EPHX1: variants seen among roughly 807,000 people sequenced by gnomAD.
The protein encoded by EPHX1 is epoxide hydrolase 1, also known as epoxide hydratase.
EPHX1 carries 40 observed loss-of-function variants against 43.2 expected under a neutral mutation model. The observed-to-expected ratio is 0.93, with a 90% CI of 0.72 to 1.21. The LOEUF (loss-of-function observed/expected upper bound fraction) is 1.21, where lower values mean the gene tolerates loss of function less well. Among genes scored for constraint, EPHX1 ranks in the 50% most tolerant of loss-of-function variants. The probability of loss-of-function intolerance (pLI) is 0.00; values close to 1 mark genes in which losing one functional copy is unlikely to be tolerated. For synonymous variants in EPHX1, 221 were observed against 226.7 expected (o/e 0.98, Z 0.22); for missense variants, 550 against 570.4 (o/e 0.96, Z 0.36).
At chr1:225,824,793 T>G (rs1459965721) in intron 1 of EPHX1, among the ~76,000 whole-genome samples, 2 of 152,094 alleles carry the variant, frequency 1.3e-5, no homozygotes, top group African/African-American at 2.4e-5. Flanking sequence ...ACTGTTCATG[T>G]GGGAGCGCAA....
intron 1 of EPHX1, among the ~76,000 whole-genome samples, chr1:225,811,626 A>T (rs892140411): frequency 6.6e-6 from 1 of 152,218 alleles, no homozygotes; most frequent in Non-Finnish European, 1.5e-5. Context: ...AGGAAGCCAC[A>T]CTTCTCCAGA....
chr1:225,825,948 T>G (rs1231535092), intron 1 of EPHX1, among the ~76,000 whole-genome samples: 1 of 152,238 alleles, frequency 6.6e-6, no homozygotes, highest in Admixed American at 6.5e-5. Context: ...TTTCTCCATC[T>G]TCTTAAAGGG....
At chr1:225,811,926 C>A (rs1173811732) in intron 1 of EPHX1, among the ~76,000 whole-genome samples, 1 of 152,082 alleles carries the variant, frequency 6.6e-6, no homozygotes, top group Non-Finnish European at 1.5e-5. Context: ...CATTTGTAAA[C>A]TATAAAGTAT....
intron 3 of EPHX1, among the ~76,000 whole-genome samples, chr1:225,833,921 ACCCC>A (rs902014346): frequency 6.7e-6 from 1 of 149,494 alleles, no homozygotes; most frequent in Non-Finnish European, 1.5e-5. Context: ...ACTTGGTGAA[ACCCC>A]GTCTCTACTA....
chr1:225,839,708 CT>C, intron 5 of EPHX1, 120 bp from the exon 6 acceptor site: 1 of 1,120,300 alleles, frequency 8.9e-7, no homozygotes, highest in Non-Finnish European at 1.4e-6. Flanking sequence ...GGGGCCAGTG[CT>C]GAAAGAGGCT....
chr1:225,844,470 AGT>A, intron 7 of EPHX1, 26 bp from the exon 8 acceptor site: 1 of 1,613,250 alleles, frequency 6.2e-7, no homozygotes, highest in Non-Finnish European at 8.5e-7. Context: ...TGGCACTGAG[AGT>A]GGGGCTTTGT....
intron 3 of EPHX1, among the ~76,000 whole-genome samples, chr1:225,838,360 C>T (rs1261241802): frequency 1.3e-5 from 2 of 152,216 alleles, no homozygotes; most frequent in Non-Finnish European, 2.9e-5. Context: ...GGAAACCCAG[C>T]AGTGGCTGTA....
intron 7 of EPHX1, 144 bp from the exon 8 acceptor site, chr1:225,844,354 C>A (rs1335933141): frequency 3.1e-6 from 4 of 1,304,648 alleles, no homozygotes; most frequent in Middle Eastern, 1.8e-4. Flanking sequence ...CTGCCTGTGA[C>A]ACGAGGATAC....
intron 6 of EPHX1, among the ~76,000 whole-genome samples, chr1:225,841,529 C>T (rs1216905913): frequency 2.0e-5 from 3 of 151,790 alleles, no homozygotes; most frequent in Non-Finnish European, 2.9e-5. Context: ...GGTGATCCAC[C>T]CGCCTCGGCC....
At chr1:225,840,098 G>A in intron 6 of EPHX1, 61 bp downstream of exon 6, 21 of 1,553,976 alleles carry the variant, frequency 1.4e-5, no homozygotes, top group East Asian at 2.3e-5. Flanking sequence ...AGACACCCGC[G>A]GGGTAACCTC....
chr1:225,838,736 C>T lies in EPHX1; in HGVS notation c.447C>T (p.Gly149=), dbSNP rs779549215. 5.0e-6 allele frequency: 8 copies of T among 1,614,212 alleles called. No homozygotes were observed. The Admixed American group carries it at 1.3e-4, about 27-fold the overall frequency. The change falls in exon 4 of 9, where the codon GGC becomes GGT. Residue 149 remains glycine (G), a synonymous_variant. Transcript: ENST00000272167. The stretch of plus-strand genomic sequence containing the variant: ...CGAAGCCCTTGCTGATGGTGCACGG[C>T]TGGCCCGGCTCTTTCTACGAGTTTT... ...HTPKPLLMVH[G]WPGSFYEFYK...
intron 3 of EPHX1, among the ~76,000 whole-genome samples, chr1:225,832,726 T>G (rs376144743): frequency 6.6e-6 from 1 of 152,366 alleles, no homozygotes; most frequent in East Asian, 1.9e-4. Context: ...TCCTTTCTTT[T>G]TTTCGGTAAT....
At chr1:225,823,605 C>T (rs961430447) in intron 1 of EPHX1, among the ~76,000 whole-genome samples, 8 of 152,170 alleles carry the variant, frequency 5.3e-5, no homozygotes, top group African/African-American at 1.7e-4. Context: ...CTGGCCCACC[C>T]GGTGGATGTA....
rs1450836930 is a variant in EPHX1, at chr1:225,815,435, T to G, written c.-6+5266T>G. 4.5e-5 allele frequency among the ~76,000 whole-genome samples: 2 copies of G among 44,172 alleles called. 1 individual carries two copies. Among genetic ancestry groups the G allele is most frequent in the Non-Finnish European group, 1.0e-4 (2 of 19,244 alleles). The allele number at this position is 44,172 out of a possible 152,430, so 29.0% of individuals were successfully genotyped here. A position where few individuals can be genotyped will look rare whatever the true frequency, so the allele number is the denominator to read the frequency against. On this transcript the variant is annotated intron_variant, in intron 1 of 8. Transcript: ENST00000272167. ...TCTTTTTTTTTTTTTTTTTTTTTTG[T>G]AGAGACAAGGTTTCACTGTGTTGCC... is the stretch of plus-strand genomic sequence containing the variant.
intron 1 of EPHX1, among the ~76,000 whole-genome samples, chr1:225,827,779 C>T (rs1181240589): frequency 2.0e-5 from 3 of 152,106 alleles, no homozygotes; most frequent in African/African-American, 4.8e-5. Context: ...TTTAAATGGG[C>T]GAATTGTATG....
chr1:225,837,663 G>T (rs898964877), intron 3 of EPHX1, among the ~76,000 whole-genome samples: 1 of 152,044 alleles, frequency 6.6e-6, no homozygotes, highest in Non-Finnish European at 1.5e-5. Context: ...AATTGCAGGC[G>T]CCTGTCAGCA....
intron 5 of EPHX1, 111 bp from the exon 6 acceptor site, chr1:225,839,718 C>A: frequency 8.4e-7 from 1 of 1,192,544 alleles, no homozygotes; most frequent in Non-Finnish European, 1.2e-6. Context: ...CTGAAAGAGG[C>A]TGGCTCTGTG....
Position 225,845,382 on chromosome 1 carries a change from A to T in EPHX1, c.*35A>T, listed in dbSNP as rs4653695. The T allele has an allele frequency of 6.7e-6, 9 of 1,353,042 alleles. No homozygotes were observed. The highest frequency in any genetic ancestry group is 4.8e-6 in the Non-Finnish European group (5 of 1,044,422). The allele number at this position is 1,353,042 out of a possible 1,614,324, so 83.8% of individuals were successfully genotyped here. ...CTCCCCCCGCCTGCCACCTCCCCCC[A>T]CAAGTGCCCTCCAGGCTTTTCTTGG... is the stretch of plus-strand genomic sequence containing the variant. On this transcript the variant is annotated 3_prime_UTR_variant, in exon 9 of 9. Coordinates refer to ENST00000272167, the MANE Select transcript of EPHX1 (RefSeq NM_001136018.4).
chr1:225,838,023 C>T (rs755590014), intron 3 of EPHX1, among the ~76,000 whole-genome samples: 8 of 152,186 alleles, frequency 5.3e-5, no homozygotes, highest in Non-Finnish European at 1.0e-4. Context: ...TTTATCCTCC[C>T]AGACTTTTAA....
Sources: allele counts gnomAD v4.1 joint callset (sites outside exome capture counted in the v4.1 genomes callset), GRCh38; gene constraint gnomAD v4.1.1; transcripts MANE v1.5; gene names NCBI Gene and HGNC (gene_info 2026-07-23, HGNC 2026-07-21).